The following CACNA1E variants were observed in gnomAD, a reference collection of about 807,000 sequenced individuals.
CACNA1E encodes voltage-dependent R-type calcium channel subunit alpha-1E.
In CACNA1E, 40 loss-of-function variants were observed where a neutral mutation model predicts 259.2. The ratio of observed to expected loss-of-function variants is 0.15; its 90% CI spans 0.12 to 0.20. The LOEUF is 0.20. CACNA1E is among the 10% of genes least tolerant of loss of function. The pLI is 1.00. For synonymous variants in CACNA1E, 1,104 were observed against 1,138.5 expected, an observed-to-expected ratio of 0.97 and a Z score of 0.61; for missense variants, 1,874 against 3,040.1, an observed-to-expected ratio of 0.62 and a Z score of 9.02.
At chr1:181,643,146 A>G (rs1405608911) in intron 6 of CACNA1E, among the ~76,000 whole-genome samples, 3 of 152,222 alleles carry the variant, frequency 2.0e-5, no homozygotes, top group Non-Finnish European at 4.4e-5. Flanking sequence ...CTTTTATTAT[A>G]GAGATTTTCA....
At chr1:181,345,459 C>T (rs1025471575) in intron 1 of CACNA1E, among the ~76,000 whole-genome samples, 1 of 152,120 alleles carries the variant, frequency 6.6e-6, no homozygotes. Flanking sequence ...CAGGGGGCTG[C>T]GCCTGGGGCA....
intron 39 of CACNA1E, among the ~76,000 whole-genome samples, chr1:181,782,947 C>T (rs574135825): frequency 6.6e-6 from 1 of 152,248 alleles, no homozygotes; most frequent in South Asian, 2.1e-4. Context: ...TTGGCCATTT[C>T]AGTGTGATCC....
At chr1:181,716,706 C>G (rs559569748) in intron 10 of CACNA1E, among the ~76,000 whole-genome samples, 1 of 152,328 alleles carries the variant, frequency 6.6e-6, no homozygotes, top group African/African-American at 2.4e-5. Flanking sequence ...AAGAGACTTA[C>G]AAAGCTCATT....
chr1:181,635,948 T>C (rs1340363687), intron 6 of CACNA1E, among the ~76,000 whole-genome samples: 3 of 152,134 alleles, frequency 2.0e-5, no homozygotes, highest in African/African-American at 7.2e-5. Flanking sequence ...AGTAAATAAG[T>C]AATTATTATA....
chr1:181,378,857 G>T (rs1265679517), intron 1 of CACNA1E, among the ~76,000 whole-genome samples: 2 of 152,150 alleles, frequency 1.3e-5, no homozygotes, highest in Admixed American at 1.3e-4. Flanking sequence ...GACACAAAAG[G>T]ACTGAAGTGT....
At chr1:181,572,951 C>G (rs201574281) in intron 3 of CACNA1E, among the ~76,000 whole-genome samples, 1 of 152,084 alleles carries the variant, frequency 6.6e-6, no homozygotes, top group East Asian at 1.9e-4. Flanking sequence ...ACTAAAAAAT[C>G]TTGATATTTT....
At chr1:181,699,866 AGAG>A (rs1448739702) in intron 7 of CACNA1E, among the ~76,000 whole-genome samples, 3 of 152,132 alleles carry the variant, frequency 2.0e-5, no homozygotes, top group African/African-American at 4.8e-5. Flanking sequence ...GGGAGAGACT[AGAG>A]GAGGAGAAGT....
chr1:181,629,924 T>G (rs767026671), intron 6 of CACNA1E, among the ~76,000 whole-genome samples: 7 of 152,232 alleles, frequency 4.6e-5, no homozygotes, highest in Non-Finnish European at 8.8e-5. Context: ...TTAATGAGTT[T>G]AGATCTAGGT....
At position 181,776,280 on chromosome 1, in the gene CACNA1E, A is replaced by G. The variant is rs1395319343; in HGVS notation, c.5267+52A>G. 6.3e-7 allele frequency: 1 copy of G among 1,594,310 alleles called. No individual in the cohort carries two copies. The highest frequency in any genetic ancestry group is 2.2e-5 in the East Asian group (1 of 44,726). ...CGGGGCCCAGAGCAAAGGTCTCTGG[A>G]GTTCCCAGGGAAGAGGCTGGAATTG... On this transcript the variant is annotated intron_variant, in intron 38 of 47. Coordinates refer to ENST00000367573, the MANE Select transcript of CACNA1E (RefSeq NM_001205293.3). The surrounding 1 kb of genome is among the most constrained non-coding windows in gnomAD (Gnocchi z 4.4).
At chr1:181,421,738 C>T (rs1242391197) in intron 2 of CACNA1E, among the ~76,000 whole-genome samples, 2 of 152,196 alleles carry the variant, frequency 1.3e-5, no homozygotes, top group African/African-American at 4.8e-5. Context: ...CTGTCAATAA[C>T]ATCTCCCAAA....
rs566138122 is a variant in CACNA1E at position 181,361,710 on chromosome 1, G to A, written c.-15+43587G>A. 5.3e-5 allele frequency among the ~76,000 whole-genome samples: 8 copies of A among 152,264 alleles called. No individual in the cohort carries two copies. In the South Asian group the frequency reaches 1.0e-3, roughly 20 times the overall value. On this transcript the variant is annotated intron_variant, in intron 1 of 11. Coordinates refer to the CACNA1E transcript ENST00000524607. ...CCAAGTTCTGCCTGTGACTGTCACT[G>A]CTCTGTTTGTATCTGAGGATGTAAG...
At chr1:181,711,977 G>A (rs1336993978) in intron 8 of CACNA1E, among the ~76,000 whole-genome samples, 1 of 152,178 alleles carries the variant, frequency 6.6e-6, no homozygotes, top group East Asian at 1.9e-4. Flanking sequence ...GGATAAGGCT[G>A]GAAGCAGAGG....
intron 35 of CACNA1E, among the ~76,000 whole-genome samples, chr1:181,770,822 G>A (rs896786833): frequency 2.6e-5 from 4 of 152,028 alleles, no homozygotes; most frequent in African/African-American, 9.7e-5. Flanking sequence ...TAAATTGCAG[G>A]GTGGCATCTG....
At chr1:181,407,398 C>A (rs1657543301) in intron 1 of CACNA1E, among the ~76,000 whole-genome samples, 1 of 152,152 alleles carries the variant, frequency 6.6e-6, no homozygotes, top group African/African-American at 2.4e-5. Flanking sequence ...ATACCTCTTA[C>A]CAACTTAGCA....
intron 3 of CACNA1E, among the ~76,000 whole-genome samples, chr1:181,561,344 T>C (rs1476741724): frequency 2.0e-5 from 3 of 152,206 alleles, no homozygotes; most frequent in Admixed American, 6.6e-5. Flanking sequence ...TTCTTAGATA[T>C]ACAACTCTGT....
At position 181,732,322 on chromosome 1, in the gene CACNA1E, G is replaced by T. The variant is rs1655563888; in HGVS notation, c.2298-62G>T. 1 of 1,454,926 alleles carries T rather than the reference G, an allele frequency of 6.9e-7. No homozygotes were observed. Among genetic ancestry groups the T allele is most frequent in the African/African-American group, 1.4e-5 (1 of 69,636 alleles). 90.1% of individuals were successfully genotyped at this position (1,454,926 alleles called of 1,614,324 possible). A position where few individuals can be genotyped will look rare whatever the true frequency, so the allele number is the denominator to read the frequency against. ...CCTGCCCTCTCACATGGCCCCTGTG[G>T]CCACCCTCCCTGCCTGCAGCTTCTG... On this transcript the variant is annotated intron_variant, in intron 19 of 47. Coordinates refer to ENST00000367573, the MANE Select transcript of CACNA1E (RefSeq NM_001205293.3). The surrounding 1 kb of genome is among the most constrained non-coding windows in gnomAD (Gnocchi z 5.5).
intron 1 of CACNA1E, among the ~76,000 whole-genome samples, chr1:181,494,316 GT>G (rs80037910): frequency 0.033 from 4,452 of 136,246 alleles, 62 homozygotes; most frequent in Middle Eastern, 0.045. Context: ...TTAAAGTGGT[GT>G]TTTTTTTTTT....
chr1:181,432,468 C>CA (rs1659786506), intron 2 of CACNA1E, among the ~76,000 whole-genome samples: 1 of 151,648 alleles, frequency 6.6e-6, no homozygotes, highest in African/African-American at 2.4e-5. Flanking sequence ...AATAAAATAA[C>CA]AAAAAAATGT....
chr1:181,739,880 T>G (rs1656398750), intron 25 of CACNA1E, among the ~76,000 whole-genome samples: 1 of 152,206 alleles, frequency 6.6e-6, no homozygotes, highest in Non-Finnish European at 1.5e-5. Flanking sequence ...ATAATATTTG[T>G]GGGATTTTTT....
Sources: gnomAD v4.1 joint callset for allele counts (sites outside exome capture counted in the v4.1 genomes callset) on GRCh38, gnomAD v4.1.1 for gene constraint, Gnocchi (gnomAD v3.1) non-coding constraint, MANE v1.5 for transcripts, NCBI Gene and HGNC (gene_info 2026-07-23, HGNC 2026-07-21) for gene names.